Variants in CFAP77 observed in about 807,000 individuals in gnomAD.
CFAP77 encodes cilia and flagella associated protein 77, also known as cilia- and flagella-associated protein 77.
CFAP77 carries 25 observed loss-of-function variants against 31.1 expected under a neutral mutation model. That is an observed-to-expected ratio of 0.80 (90% confidence interval 0.59 to 1.12). The LOEUF (loss-of-function observed/expected upper bound fraction) is 1.12. Ranked by LOEUF, CFAP77 falls within the 50% of genes most tolerant of loss-of-function variation. The probability of loss-of-function intolerance (pLI) is 0.00; values close to 1 mark genes in which losing one functional copy is unlikely to be tolerated. For missense variants in CFAP77, 377 were observed against 397.3 expected (o/e 0.95, Z 0.44); for synonymous variants, 151 against 159.9 (o/e 0.94, Z 0.42).
At chr9:132,541,850 T>A (rs960470591) in intron 4 of CFAP77, among the ~76,000 whole-genome samples, 4 of 152,184 alleles carry the variant, frequency 2.6e-5, no homozygotes, top group African/African-American at 9.7e-5. Context: ...GGTTCAGTCT[T>A]TATTTGCCGA....
At chr9:132,450,354 G>A (rs1200773793) in intron 1 of CFAP77, among the ~76,000 whole-genome samples, 1 of 152,148 alleles carries the variant, frequency 6.6e-6, no homozygotes, top group African/African-American at 2.4e-5. Flanking sequence ...GTCAGTGAGT[G>A]TTCCTGGGGC....
chr9:132,410,893 G>A lies in CFAP77; in HGVS notation c.195+427G>A, dbSNP rs145420285. On this transcript the variant is annotated intron_variant, in intron 1 of 5. Transcript: ENST00000393216. ...GGCCGCCTCTCCGGTTCCGCTGCAC[G>A]CCTGGGGTACGTCTATGCAGCGGTG... Among the ~76,000 whole-genome samples the A allele has an allele frequency of 4.8e-3, 731 of 152,318 alleles. 8 individuals carry two copies. Among genetic ancestry groups the A allele is most frequent in the African/African-American group, 0.017 (692 of 41,568 alleles).
rs778101488 is a variant in CFAP77, at chr9:132,498,779, G to T, written c.280G>T (p.Gly94Ter). ...NYGLYIRGLD[G>*]GVPEAIGRWN... Reference sequence around the variant, plus strand: ...TGGACTCTACATCCGAGGGCTTGACGGAGGAGTCCCTGAAGGTGAGCGAGC... The same window carrying T: ...TGGACTCTACATCCGAGGGCTTGACTGAGGAGTCCCTGAAGGTGAGCGAGC... The change falls in exon 2 of 6, where the codon GGA (glycine) becomes TGA (stop). Residue 94 changes from glycine to a stop codon, truncating the protein, a stop_gained. Coordinates refer to ENST00000393216, the MANE Select transcript of CFAP77 (RefSeq NM_001282957.2). LOFTEE classifies it high-confidence loss of function. The surrounding 1 kb of genome is among the most constrained non-coding windows in gnomAD (Gnocchi z 4.2). 1.9e-6 allele frequency: 3 copies of T among 1,608,882 alleles called. No homozygotes were observed. The African/African-American group carries it at 4.0e-5, about 21-fold the overall frequency.
chr9:132,547,119 G>C (rs1404742019), intron 5 of CFAP77, among the ~76,000 whole-genome samples: 1 of 152,216 alleles, frequency 6.6e-6, no homozygotes, highest in Non-Finnish European at 1.5e-5. Flanking sequence ...TGTGCCCTGT[G>C]GGGGATAGAG....
rs1326486672 is a variant in CFAP77, at chr9:132,424,102, T to C, written c.195+13636T>C. 6.6e-6 allele frequency among the ~76,000 whole-genome samples: 1 copy of C among 152,100 alleles called. No homozygotes were observed. The highest frequency in any genetic ancestry group is 1.5e-5 in the Non-Finnish European group (1 of 68,002). ...GAAACCAATGCAGCCAAGACATCCA[T>C]GGCTGTTAAAAAAAGAGTTAGGAGG... On this transcript the variant is annotated intron_variant, in intron 1 of 5. Transcript: ENST00000393216. This position sits in a 1 kb window ranked among gnomAD's most constrained non-coding sequence, Gnocchi z 4.1.
chr9:132,529,369 A>AGGGGGGGG (rs1336039944), intron 3 of CFAP77, among the ~76,000 whole-genome samples: 1 of 87,442 alleles, frequency 1.1e-5, no homozygotes, highest in African/African-American at 4.5e-5. Context: ...GGGTCGGGGG[A>AGGGGGGGG]GGGGGGAGGG....
intron 1 of CFAP77, among the ~76,000 whole-genome samples, chr9:132,492,557 G>A (rs1001035093): frequency 6.6e-6 from 1 of 152,256 alleles, no homozygotes; most frequent in African/African-American, 2.4e-5. Flanking sequence ...GGAGTCAGAT[G>A]TGGGTTCAGA....
rs1467111997 is a variant in CFAP77 at position 132,545,862 on chromosome 9, C to T, written c.732+2815C>T. ...CTGGGGTTTCCTAGCCCCAGGGCCT[C>T]CCGAGGACCCCTTCCCTCACCTCCA... On this transcript the variant is annotated intron_variant, in intron 5 of 5. Transcript: ENST00000393216. This position sits in a 1 kb window ranked among gnomAD's most constrained non-coding sequence, Gnocchi z 4.6. Among the ~76,000 whole-genome samples, 1 of 152,132 alleles carries T rather than the reference C, an allele frequency of 6.6e-6. No homozygotes were observed. Among genetic ancestry groups the T allele is most frequent in the East Asian group, 1.9e-4 (1 of 5,194 alleles).
rs537735771 is a variant in CFAP77 at position 132,480,960 on chromosome 9, T to G, written c.196-17735T>G. Among the ~76,000 whole-genome samples, 38 of 152,218 alleles carry G rather than the reference T, an allele frequency of 2.5e-4. No homozygotes were observed. Among genetic ancestry groups the G allele is most frequent in the African/African-American group, 8.9e-4 (37 of 41,528 alleles). On this transcript the variant is annotated intron_variant, in intron 1 of 5. Transcript: ENST00000393216. The surrounding 1 kb of genome is among the most constrained non-coding windows in gnomAD (Gnocchi z 5.8). ...ACAAGCCACAGACAGTCCCCGTGTA[T>G]CCACCTTGGGTTGCTTATTTCTTCA...
chr9:132,530,136 C>CTTTTTTTTTTTTTTTTTTTTTTTT (rs750962954), intron 3 of CFAP77, among the ~76,000 whole-genome samples: 6 of 93,268 alleles, frequency 6.4e-5, no homozygotes, highest in African/African-American at 1.3e-4. Flanking sequence ...TCTTTCTTTT[C>CTTTTTTTTTTTTTTTTTTTTTTTT]TTTTTTTTTT....
rs1458076030 is a variant in CFAP77, at chr9:132,517,759, C to A, written c.524+18159C>A. On this transcript the variant is annotated intron_variant, in intron 3 of 5. Transcript: ENST00000393216. The surrounding 1 kb of genome is among the most constrained non-coding windows in gnomAD (Gnocchi z 4.7). ...CAAATCAGAGCTGTCAGCCCTCATC[C>A]CCCGCACACACAAAGTGTCAGCCTA... Among the ~76,000 whole-genome samples the A allele has an allele frequency of 6.6e-5, 10 of 152,222 alleles. No individual in the cohort carries two copies. Among genetic ancestry groups the A allele is most frequent in the Non-Finnish European group, 8.8e-5 (6 of 68,048 alleles).
At chr9:132,492,412 G>A (rs940492728) in intron 1 of CFAP77, among the ~76,000 whole-genome samples, 3 of 152,172 alleles carry the variant, frequency 2.0e-5, no homozygotes, top group African/African-American at 7.2e-5. Context: ...AGAAGGCCAG[G>A]AAGTCAAGGC....
At chr9:132,534,010 A>C (rs1185319718) in intron 3 of CFAP77, among the ~76,000 whole-genome samples, 1 of 152,338 alleles carries the variant, frequency 6.6e-6, no homozygotes, top group East Asian at 1.9e-4. Flanking sequence ...CCCTCCTAGC[A>C]TATCAGTTCT....
intron 3 of CFAP77, among the ~76,000 whole-genome samples, chr9:132,531,539 A>G (rs1852450680): frequency 6.8e-6 from 1 of 147,866 alleles, no homozygotes; most frequent in Non-Finnish European, 1.5e-5. Flanking sequence ...GATGGCATGA[A>G]TGTCAGGAAG....
intron 5 of CFAP77, among the ~76,000 whole-genome samples, chr9:132,566,181 G>A (rs1404510939): frequency 6.6e-6 from 1 of 152,072 alleles, no homozygotes; most frequent in Non-Finnish European, 1.5e-5. Flanking sequence ...AGAGGGGGGA[G>A]CGTGCATGTG....
chr9:132,425,580 T>C (rs1850300010), intron 1 of CFAP77, among the ~76,000 whole-genome samples: 1 of 152,156 alleles, frequency 6.6e-6, no homozygotes, highest in African/African-American at 2.4e-5. Context: ...TGCTTGTGTT[T>C]TTTCCCCCCC....
intron 1 of CFAP77, among the ~76,000 whole-genome samples, chr9:132,437,431 A>C (rs1187836137): frequency 6.7e-6 from 1 of 149,326 alleles, no homozygotes; most frequent in Non-Finnish European, 1.5e-5. Flanking sequence ...AGAGTCGTGG[A>C]TGTCACAGTA....
At chr9:132,442,469 C>T (rs543012250) in intron 1 of CFAP77, among the ~76,000 whole-genome samples, 1 of 152,156 alleles carries the variant, frequency 6.6e-6, no homozygotes, top group East Asian at 1.9e-4. Context: ...GGGAGGATCG[C>T]TTGAGCCCCG....
chr9:132,569,754 G>A (rs893975613), intron 5 of CFAP77, among the ~76,000 whole-genome samples: 4 of 27,124 alleles, frequency 1.5e-4, no homozygotes, highest in Non-Finnish European at 2.9e-4. Context: ...TTTTTTTTTT[G>A]AGACGGAATC....
Sources: gnomAD v4.1 joint callset for allele counts (sites outside exome capture counted in the v4.1 genomes callset) on GRCh38, gnomAD v4.1.1 for gene constraint, Gnocchi (gnomAD v3.1) non-coding constraint, MANE v1.5 for transcripts, NCBI Gene and HGNC (gene_info 2026-07-23, HGNC 2026-07-21) for gene names.